Variants in SPAG16 observed in about 807,000 individuals in gnomAD.
The protein encoded by SPAG16 is sperm-associated antigen 16 protein.
Under a neutral mutation model 80.4 loss-of-function variants are expected in SPAG16, and 86 were observed. The ratio of observed to expected loss-of-function variants is 1.07; its 90% confidence interval spans 0.90 to 1.28. The LOEUF is 1.28. Among genes scored for constraint, SPAG16 ranks in the 50% most tolerant of loss-of-function variants. SPAG16 has a pLI of 0.00. For missense variants in SPAG16, 870 were observed against 765.3 expected, an observed-to-expected ratio of 1.14 and a Z score of -1.61; for synonymous variants, 294 against 265.9, an observed-to-expected ratio of 1.11 and a Z score of -1.03.
intron 12 of SPAG16, among the ~76,000 whole-genome samples, chr2:213,982,894 A>G (rs1252813559): frequency 6.6e-6 from 1 of 152,022 alleles, no homozygotes; most frequent in Non-Finnish European, 1.5e-5. Context: ...ATATAGTTTA[A>G]TAGCATTGCA....
intron 4 of SPAG16, 141 bp downstream of exon 4, chr2:213,310,318 CA>C (rs1365636151): frequency 2.3e-6 from 1 of 433,584 alleles, no homozygotes; most frequent in Non-Finnish European, 4.1e-6. Context: ...CCTGAAACCA[CA>C]ACACACACAC....
At chr2:213,363,426 A>G (rs2066106518) in intron 7 of SPAG16, among the ~76,000 whole-genome samples, 1 of 152,104 alleles carries the variant, frequency 6.6e-6, no homozygotes, top group Non-Finnish European at 1.5e-5. Context: ...ATTCAGTGAT[A>G]GTAGAAAAAA....
At chr2:213,557,911 G>A (rs779401227) in intron 10 of SPAG16, among the ~76,000 whole-genome samples, 14 of 151,808 alleles carry the variant, frequency 9.2e-5, no homozygotes, top group South Asian at 2.1e-4. Flanking sequence ...CTTTCTAAAG[G>A]GATTTTTTAA....
chr2:213,714,905 G>C (rs977661318), intron 10 of SPAG16, among the ~76,000 whole-genome samples: 4 of 152,184 alleles, frequency 2.6e-5, no homozygotes, highest in African/African-American at 9.7e-5. Context: ...CCCCCACTAA[G>C]TAGGTTTGAA....
chr2:213,631,070 T>A (rs972028914), intron 10 of SPAG16, among the ~76,000 whole-genome samples: 19 of 152,078 alleles, frequency 1.2e-4, no homozygotes, highest in African/African-American at 4.6e-4. Flanking sequence ...GGGAAAACAC[T>A]ACCGGCAAAA....
At chr2:213,707,561 A>G (rs2065812344) in intron 10 of SPAG16, among the ~76,000 whole-genome samples, 1 of 152,044 alleles carries the variant, frequency 6.6e-6, no homozygotes, top group South Asian at 2.1e-4. Flanking sequence ...TTCATTGTGT[A>G]CCCTAGTAGA....
intron 11 of SPAG16, among the ~76,000 whole-genome samples, chr2:213,899,003 T>G (rs2077106482): frequency 6.6e-6 from 1 of 152,058 alleles, no homozygotes; most frequent in African/African-American, 2.4e-5. Context: ...CTAAGTAAAG[T>G]GAATCTCATA....
At chr2:214,179,973 C>G (rs1225359856) in intron 15 of SPAG16, among the ~76,000 whole-genome samples, 1 of 151,414 alleles carries the variant, frequency 6.6e-6, no homozygotes, top group Non-Finnish European at 1.5e-5. Flanking sequence ...AGCAGTTATT[C>G]AGGAAAAGAC....
At chr2:214,344,741 A>T (rs1002486810) in intron 15 of SPAG16, among the ~76,000 whole-genome samples, 2 of 152,108 alleles carry the variant, frequency 1.3e-5, no homozygotes, top group Non-Finnish European at 2.9e-5. Context: ...GAATCACTGA[A>T]ACTTGTTGCA....
chr2:213,291,560 T>G (rs2062274844), intron 1 of SPAG16, among the ~76,000 whole-genome samples: 1 of 152,240 alleles, frequency 6.6e-6, no homozygotes. Flanking sequence ...TGTAGCTCTT[T>G]TCTACTTCTC....
chr2:213,921,396 C>T (rs1000734638), intron 11 of SPAG16, among the ~76,000 whole-genome samples: 2 of 152,032 alleles, frequency 1.3e-5, no homozygotes, highest in African/African-American at 4.8e-5. Flanking sequence ...TGATTTTTCC[C>T]CATTCCTTTA....
intron 10 of SPAG16, among the ~76,000 whole-genome samples, chr2:213,748,135 C>G (rs1490119288): frequency 6.6e-6 from 1 of 151,958 alleles, no homozygotes; most frequent in African/African-American, 2.4e-5. Flanking sequence ...TCATGAATTT[C>G]AGGTTACAAA....
chr2:213,349,241 G>T (rs891169461), intron 6 of SPAG16, among the ~76,000 whole-genome samples: 1 of 152,094 alleles, frequency 6.6e-6, no homozygotes, highest in Non-Finnish European at 1.5e-5. Context: ...AGAAAATAAA[G>T]TTTTAAAACC....
intron 14 of SPAG16, among the ~76,000 whole-genome samples, chr2:214,138,688 A>G (rs1172677728): frequency 6.6e-6 from 1 of 152,152 alleles, no homozygotes; most frequent in Non-Finnish European, 1.5e-5. Flanking sequence ...TTATTGTACT[A>G]GACCTGAGCA....
At chr2:213,782,432 T>A (rs1290102469) in intron 10 of SPAG16, among the ~76,000 whole-genome samples, 1 of 152,214 alleles carries the variant, frequency 6.6e-6, no homozygotes, top group Admixed American at 6.5e-5. Flanking sequence ...AATAGTCGTA[T>A]AGATATGTAG....
chr2:214,159,981 C>A (rs2056374344), intron 15 of SPAG16, among the ~76,000 whole-genome samples: 1 of 151,808 alleles, frequency 6.6e-6, no homozygotes, highest in African/African-American at 2.4e-5. Flanking sequence ...CTACTATATG[C>A]CAGGCACTGT....
At chr2:214,033,684 A>AT (rs971390287) in intron 13 of SPAG16, among the ~76,000 whole-genome samples, 12 of 151,604 alleles carry the variant, frequency 7.9e-5, no homozygotes, top group South Asian at 6.2e-4. Flanking sequence ...ACATTTTACT[A>AT]TTTTTTTTTA....
intron 9 of SPAG16, among the ~76,000 whole-genome samples, chr2:213,377,759 C>T (rs1487316037): frequency 3.3e-5 from 5 of 152,052 alleles, no homozygotes; most frequent in African/African-American, 1.2e-4. Context: ...AGAGTTGTTA[C>T]TGGACTTGAG....
intron 11 of SPAG16, among the ~76,000 whole-genome samples, chr2:213,874,750 A>G (rs1417696398): frequency 6.6e-6 from 1 of 152,114 alleles, no homozygotes; most frequent in Non-Finnish European, 1.5e-5. Flanking sequence ...ATGGCACATG[A>G]CTGTGCCTTA....
Sources: allele counts gnomAD v4.1 joint callset (sites outside exome capture counted in the v4.1 genomes callset), GRCh38; gene constraint gnomAD v4.1.1; transcripts MANE v1.5; gene names NCBI Gene and HGNC (gene_info 2026-07-23, HGNC 2026-07-21).